The following DHX29 variants were observed in gnomAD, a reference collection of about 807,000 sequenced individuals.
DHX29 encodes the protein DExH-box helicase 29.
Under a neutral mutation model 167.9 loss-of-function variants are expected in DHX29, and 79 were observed. The ratio of observed to expected loss-of-function variants is 0.47; its 90% CI spans 0.39 to 0.57. The LOEUF is 0.57. DHX29 is among the 20% of genes least tolerant of loss of function. The probability of loss-of-function intolerance (pLI) is 0.00; values close to 1 mark genes in which losing one functional copy is unlikely to be tolerated. For missense variants in DHX29, 1,347 were observed against 1,593.4 expected (o/e 0.85, Z 2.63); for synonymous variants, 530 against 546.0 (o/e 0.97, Z 0.41).
rs766298102 is a variant in DHX29 at position 55,274,914 on chromosome 5, G to T, written c.2524C>A (p.Pro842Thr). 2 of 1,613,724 alleles carry T rather than the reference G, an allele frequency of 1.2e-6. No individual in the cohort carries two copies. The highest frequency in any genetic ancestry group is 1.1e-5 in the South Asian group (1 of 91,010). ...RTQHAILYMN[P>T]HKINLDLILE... ...ATGAGATCCAGGTTGATTTTATGAGGATTCATGTATAGAATAGCATGCTGA... is the reference window on the plus strand; with the variant it reads ...ATGAGATCCAGGTTGATTTTATGAGTATTCATGTATAGAATAGCATGCTGA... Residue 842 changes from proline to threonine, a missense_variant, in exon 15 of 27, where the codon CCT (proline) becomes ACT (threonine). Physicochemically the swap from Pro to Thr is conservative, Grantham distance 38 (BLOSUM62 -1). Transcript: ENST00000251636.
At chr5:55,262,580 A>T in intron 24 of DHX29, 50 bp downstream of exon 24, 1 of 1,578,292 alleles carries the variant, frequency 6.3e-7, no homozygotes, top group Non-Finnish European at 8.6e-7. Flanking sequence ...GTTATGAATG[A>T]CTTGCAGAAT....
intron 12 of DHX29, among the ~76,000 whole-genome samples, chr5:55,278,459 TCA>T (rs1426606001): frequency 6.6e-6 from 1 of 152,200 alleles, no homozygotes; most frequent in Non-Finnish European, 1.5e-5. Flanking sequence ...AATGCAAATT[TCA>T]CAGAGTTGTG....
chr5:55,302,037 T>C (rs1426971902), intron 1 of DHX29, among the ~76,000 whole-genome samples: 3 of 152,200 alleles, frequency 2.0e-5, no homozygotes, highest in Middle Eastern at 3.2e-3. Flanking sequence ...GCTATAGTTA[T>C]ATCGGAGGTA....
chr5:55,287,938 G>GAAAAAAAAAAAAAAAAAAA (rs1247600043), intron 8 of DHX29, among the ~76,000 whole-genome samples: 1 of 81,718 alleles, frequency 1.2e-5, no homozygotes. Context: ...TGGAAAAAAA[G>GAAAAAAAAAAAAAAAAAAA]AAAAAAAAAA....
chr5:55,298,758 C>T (rs146833973), intron 1 of DHX29, 94 bp from the exon 2 acceptor site: 23 of 584,550 alleles, frequency 3.9e-5, no homozygotes, highest in Middle Eastern at 1.0e-3. Flanking sequence ...AGGCCGGGCG[C>T]GGTGGCTCAC....
chr5:55,279,406 C>T (rs942782552), intron 12 of DHX29: 6 of 151,882 alleles, frequency 4.0e-5, no homozygotes, highest in South Asian at 2.1e-4. Flanking sequence ...GGTATCTAGA[C>T]GGTAGCTAGA....
intron 1 of DHX29, among the ~76,000 whole-genome samples, chr5:55,301,148 A>G (rs1748578227): frequency 6.6e-6 from 1 of 152,190 alleles, no homozygotes; most frequent in Non-Finnish European, 1.5e-5. Context: ...AAATATAGCC[A>G]CACTGGGGGT....
chr5:55,274,264 G>C (rs752581909), intron 16 of DHX29, among the ~76,000 whole-genome samples: 1 of 152,018 alleles, frequency 6.6e-6, no homozygotes, highest in Non-Finnish European at 1.5e-5. Flanking sequence ...GGGCGTAGTG[G>C]TGCACAACTT....
At position 55,269,277 on chromosome 5, in the gene DHX29, G is replaced by A. The variant is rs544017699; in HGVS notation, c.3294+136C>T. The A allele has an allele frequency of 5.3e-6, 4 of 750,750 alleles. No individual in the cohort carries two copies. The East Asian group carries it at 8.3e-5, about 16-fold the overall frequency. 46.5% of individuals were successfully genotyped at this position (750,750 alleles called of 1,614,324 possible). On this transcript the variant is annotated intron_variant, in intron 21 of 26. Coordinates refer to ENST00000251636, the MANE Select transcript of DHX29 (RefSeq NM_019030.4). ...AAAAAAAAAAAAATTCAAGCATTCA[G>A]GCCCTCTCGGTTTTAATGTTCGTAT... is the stretch of plus-strand genomic sequence containing the variant.
intron 14 of DHX29, among the ~76,000 whole-genome samples, chr5:55,275,725 C>CTATGTATGTATGTATG (rs375674768): frequency 6.7e-6 from 1 of 148,760 alleles, no homozygotes; most frequent in African/African-American, 2.5e-5. Context: ...GACAGCTTCA[C>CTATGTATGTATGTATG]TATGTATGTA....
rs754934402 is a variant in DHX29 at position 55,285,390 on chromosome 5, T to A, written c.1259A>T (p.Asp420Val). The A allele has an allele frequency of 2.0e-5, 33 of 1,613,426 alleles. No homozygotes were observed. The Middle Eastern group carries it at 5.2e-4, about 25-fold the overall frequency. The stretch of plus-strand genomic sequence containing the variant: ...GATTGTAGGGCATACTACCAGGACA[T>A]CATCTTCAGACTTGATTACCCTAAC... ...CRVRVIKSED[D>V]VLVVCPTILT... is the part of the protein sequence containing the mutation. The change falls in exon 10 of 27, where the codon GAT becomes GTT. Residue 420 changes from aspartate to valine, a missense_variant. Physicochemically the swap from Asp to Val is radical, Grantham distance 152 (BLOSUM62 -3). Around this residue, in one of 3 missense-constraint regions of DHX29, gnomAD observed 60 missense variants for 94.2 expected, o/e 0.64. Transcript: ENST00000251636.
intron 23 of DHX29, 79 bp from the exon 24 acceptor site, chr5:55,263,011 T>C (rs1746384429): frequency 9.3e-7 from 1 of 1,074,512 alleles, no homozygotes; most frequent in Non-Finnish European, 1.3e-6. Flanking sequence ...TTTATATTAC[T>C]GCTTCCTATA....
At chr5:55,273,567 A>C in intron 16 of DHX29, 190 bp from the exon 17 acceptor site, 1 of 623,180 alleles carries the variant, frequency 1.6e-6, no homozygotes, top group Non-Finnish European at 2.3e-6. Flanking sequence ...ATATAAACAA[A>C]TTATGCGAAT....
In DHX29 at chr5:55,307,403, C is replaced by A. The variant is rs758850516; in HGVS notation, c.171G>T (p.Glu57Asp). The change falls in exon 1 of 27, where the codon GAG becomes GAT. Residue 57 changes from glutamate (E) to aspartate (D), a missense_variant. By Grantham distance (45) the Glu-to-Asp change is conservative. Transcript: ENST00000251636. The part of the protein sequence containing the change: ...TAAAAAAGSR[E>D]PRVKQGPKIY... ...CTCTCGTACCTTGCTTGACACGGGG[C>A]TCCCTGGAGCCGGCAGCGGCAGCGG... The A allele has an allele frequency of 6.2e-7, 1 of 1,613,028 alleles. No individual in the cohort carries two copies. The highest frequency in any genetic ancestry group is 1.1e-5 in the South Asian group (1 of 91,042).
chr5:55,259,579 C>A (rs1746211649), intron 26 of DHX29, among the ~76,000 whole-genome samples: 1 of 152,128 alleles, frequency 6.6e-6, no homozygotes, highest in African/African-American at 2.4e-5. Flanking sequence ...GCCTCAGACT[C>A]CCGAGTAGCT....
Position 55,259,747 on chromosome 5 carries a change from G to A in DHX29, c.4057+101C>T, listed in dbSNP as rs577685663. The A allele has an allele frequency of 1.9e-4, 124 of 636,984 alleles. No individual in the cohort carries two copies. In the East Asian group the frequency reaches 2.9e-3, roughly 15 times the overall value. 39.5% of individuals were successfully genotyped at this position (636,984 alleles called of 1,614,324 possible). ...GCTGGGATTATGGGCGTGAGCCACCGTGCCTGGCCTCTTAGAAAGTTTTTC... is the reference window on the plus strand; with the variant it reads ...GCTGGGATTATGGGCGTGAGCCACCATGCCTGGCCTCTTAGAAAGTTTTTC... On this transcript the variant is annotated intron_variant, in intron 26 of 26. Transcript: ENST00000251636.
chr5:55,262,161 T>C (rs1433772267), intron 24 of DHX29, among the ~76,000 whole-genome samples: 2 of 152,228 alleles, frequency 1.3e-5, no homozygotes. Context: ...GCAGCTCCAA[T>C]TCAAAAGGTT....
At chr5:55,268,253 A>C (rs1746679993) in intron 21 of DHX29, among the ~76,000 whole-genome samples, 1 of 152,194 alleles carries the variant, frequency 6.6e-6, no homozygotes, top group Non-Finnish European at 1.5e-5. Flanking sequence ...GTGATCTTTA[A>C]AAATAATTTG....
intron 6 of DHX29, among the ~76,000 whole-genome samples, chr5:55,291,292 GA>G (rs1748032188): frequency 6.6e-6 from 1 of 152,120 alleles, no homozygotes; most frequent in Non-Finnish European, 1.5e-5. Flanking sequence ...ACTGCAGAAG[GA>G]AACACAACTG....
Sources: gnomAD v4.1 joint callset for allele counts (sites outside exome capture counted in the v4.1 genomes callset) on GRCh38, gnomAD v4.1.1 for gene constraint, gnomAD v4.1.1 regional missense constraint, MANE v1.5 for transcripts, NCBI Gene and HGNC (gene_info 2026-07-23, HGNC 2026-07-21) for gene names.